The following ANKRD11 variants were observed in gnomAD, a reference collection of about 807,000 sequenced individuals.
ANKRD11 encodes ankyrin repeat domain 11.
ANKRD11 carries 17 observed loss-of-function variants against 195.7 expected under a neutral mutation model. The ratio of observed to expected loss-of-function variants is 0.09; its 90% CI spans 0.06 to 0.13. The LOEUF (loss-of-function observed/expected upper bound fraction) is 0.13. Among genes scored for constraint, ANKRD11 ranks in the 10% least tolerant of loss-of-function variants. The pLI is 1.00. For missense variants in ANKRD11, 3,735 were observed against 3,566.1 expected (o/e 1.05, Z -1.21); for synonymous variants, 1,953 against 1,528.1 (o/e 1.28, Z -6.49).
At chr16:89,455,316 A>G (rs1416913595) in intron 1 of ANKRD11, among the ~76,000 whole-genome samples, 1 of 151,370 alleles carries the variant, frequency 6.6e-6, no homozygotes, top group African/African-American at 2.4e-5. Flanking sequence ...GGGTGCTTCT[A>G]GGGTTCCTCA....
chr16:89,352,839 A>C (rs533357005), intron 2 of ANKRD11, among the ~76,000 whole-genome samples: 1 of 152,298 alleles, frequency 6.6e-6, no homozygotes, highest in African/African-American at 2.4e-5. Flanking sequence ...CAGGGCCCCT[A>C]CCTGCTTTGT....
intron 2 of ANKRD11, among the ~76,000 whole-genome samples, chr16:89,319,225 C>T (rs1254978111): frequency 5.9e-5 from 9 of 152,222 alleles, no homozygotes; most frequent in African/African-American, 1.4e-4. Flanking sequence ...GCAGACCCCA[C>T]GGCCTCCGGA....
chr16:89,381,561 T>C (rs1357613277), intron 2 of ANKRD11, among the ~76,000 whole-genome samples: 1 of 152,126 alleles, frequency 6.6e-6, no homozygotes, highest in Non-Finnish European at 1.5e-5. Context: ...TTTCTAATTA[T>C]CCAAACAAGT....
At chr16:89,306,967 C>T (rs572209513) in intron 3 of ANKRD11, among the ~76,000 whole-genome samples, 4 of 151,952 alleles carry the variant, frequency 2.6e-5, no homozygotes, top group Admixed American at 6.5e-5. Context: ...GCGCTTGGGA[C>T]GTGGGGAGGG....
intron 2 of ANKRD11, among the ~76,000 whole-genome samples, chr16:89,379,353 G>A (rs2040549972): frequency 6.6e-6 from 1 of 152,216 alleles, no homozygotes. Context: ...CTCAAATCAA[G>A]TGTTACCAGT....
At chr16:89,324,829 T>C (rs2151947330) in intron 2 of ANKRD11, 2 of 288,998 alleles carry the variant, frequency 6.9e-6, no homozygotes, top group South Asian at 6.1e-5. Context: ...ACTGGCTTCC[T>C]GGCTCCTCAG....
intron 2 of ANKRD11, among the ~76,000 whole-genome samples, chr16:89,357,494 T>C (rs374722617): frequency 3.2e-4 from 48 of 152,196 alleles, no homozygotes; most frequent in African/African-American, 9.4e-4. Context: ...GGACTAAGCA[T>C]ATGATCCAGC....
In ANKRD11 at chr16:89,285,578, C is replaced by T. The variant is rs1407933251; in HGVS notation, c.964G>A (p.Glu322Lys). Residue 322 changes from glutamate (E) to lysine (K), a missense_variant, in exon 9 of 13, where the codon GAG becomes AAG. Glu to Lys is a moderately conservative substitution (Grantham distance 56, BLOSUM62 1). Transcript: ENST00000301030. The surrounding 1 kb of genome is among the most constrained non-coding windows in gnomAD (Gnocchi z 5.6). ...TTGTGCTTGAGGCCTTTTTCGAACT[C>T]GGAGTCCGTGTTGTTGCCGTCGACT... is the stretch of plus-strand genomic sequence containing the variant. ...SSVDGNNTDS[E>K]FEKGLKHKAK... 1.2e-6 allele frequency: 2 copies of T among 1,613,980 alleles called. No individual in the cohort carries two copies. Among genetic ancestry groups the T allele is most frequent in the African/African-American group, 1.3e-5 (1 of 74,882 alleles).
intron 2 of ANKRD11, among the ~76,000 whole-genome samples, chr16:89,393,190 G>C (rs1441877486): frequency 6.6e-6 from 1 of 152,100 alleles, no homozygotes; most frequent in Non-Finnish European, 1.5e-5. Flanking sequence ...TAAATACCTT[G>C]AGAGCACGAC....
At chr16:89,401,819 A>G (rs1209387142) in intron 2 of ANKRD11, among the ~76,000 whole-genome samples, 1 of 152,090 alleles carries the variant, frequency 6.6e-6, no homozygotes, top group Non-Finnish European at 1.5e-5. Context: ...GGAGGCGGAG[A>G]TCGTGGTGAT....
intron 2 of ANKRD11, among the ~76,000 whole-genome samples, chr16:89,360,162 GT>G (rs2039671434): frequency 1.3e-5 from 2 of 152,120 alleles, no homozygotes; most frequent in Non-Finnish European, 2.9e-5. Flanking sequence ...GTAGTATTTG[GT>G]TTTCTGTTCC....
chr16:89,275,213 G>T lies in ANKRD11; in HGVS notation c.7471-22C>A, dbSNP rs369744288. ...CGATCTACAGGCAAAAGGTGAGTGT[G>T]GGGGGTCAGCTGGGGCTGTGGAACT... On this transcript the variant is annotated intron_variant, in intron 9 of 12. Transcript: ENST00000301030. The T allele has an allele frequency of 8.8e-6, 14 of 1,586,076 alleles. No homozygotes were observed. The African/African-American group carries it at 1.2e-4, about 14-fold the overall frequency.
rs200207942 is a variant in ANKRD11, at chr16:89,281,103, C to G, written c.5439G>C (p.Gln1813His). ...CGTAGCTGGAGGCAGCAGGAACGCTCTGCTGCCTGAAGAGCTTGTCTCCGA... is the reference window on the plus strand; with the variant it reads ...CGTAGCTGGAGGCAGCAGGAACGCTGTGCTGCCTGAAGAGCTTGTCTCCGA... Reference protein sequence around the residue: ...FSVGDKLFRQQSVPAASSYDS... With the variant: ...FSVGDKLFRQHSVPAASSYDS... Residue 1813 changes from glutamine to histidine, a missense_variant, in exon 9 of 13, where the codon CAG (glutamine) becomes CAC (histidine). Transcript: ENST00000301030. The surrounding 1 kb of genome is among the most constrained non-coding windows in gnomAD (Gnocchi z 5.5). 3 of 1,611,296 alleles carry G rather than the reference C, an allele frequency of 1.9e-6. No homozygotes were observed. The highest frequency in any genetic ancestry group is 1.1e-5 in the South Asian group (1 of 91,032).
chr16:89,378,984 A>G (rs1320602080), intron 2 of ANKRD11, among the ~76,000 whole-genome samples: 1 of 152,218 alleles, frequency 6.6e-6, no homozygotes, highest in Non-Finnish European at 1.5e-5. Context: ...CTGACGGCAC[A>G]CTGGGGAGCG....
intron 1 of ANKRD11, among the ~76,000 whole-genome samples, chr16:89,479,163 T>C (rs1261683436): frequency 1.3e-5 from 2 of 151,776 alleles, no homozygotes; most frequent in African/African-American, 2.4e-5. Context: ...ACCCAGTCCC[T>C]GAAGATTCAG....
At chr16:89,452,520 T>C (rs1388379950) in intron 1 of ANKRD11, among the ~76,000 whole-genome samples, 2 of 152,150 alleles carry the variant, frequency 1.3e-5, no homozygotes, top group African/African-American at 4.8e-5. Context: ...TCAAGAATGC[T>C]GCTCTCAGCA....
At chr16:89,489,612 C>A (rs919549723) in intron 1 of ANKRD11, among the ~76,000 whole-genome samples, 9 of 151,992 alleles carry the variant, frequency 5.9e-5, no homozygotes, top group African/African-American at 1.7e-4. Context: ...ACGACCAGCA[C>A]GGCGAAGGCG....
chr16:89,368,371 GTTTTTTTTTTT>G (rs71134210), intron 2 of ANKRD11, among the ~76,000 whole-genome samples: 6 of 56,598 alleles, frequency 1.1e-4, no homozygotes, highest in African/African-American at 1.4e-4. Flanking sequence ...TAATTTTTGT[GTTTTTTTTTTT>G]TTTTTTTTTT....
At chr16:89,328,602 C>A (rs2037864083) in intron 2 of ANKRD11, among the ~76,000 whole-genome samples, 1 of 148,398 alleles carries the variant, frequency 6.7e-6, no homozygotes, top group Non-Finnish European at 1.5e-5. Context: ...GGTGAATCTG[C>A]AGAGGCCCCT....
Sources: gnomAD v4.1 joint callset for allele counts (sites outside exome capture counted in the v4.1 genomes callset) on GRCh38, gnomAD v4.1.1 for gene constraint, Gnocchi (gnomAD v3.1) non-coding constraint, MANE v1.5 for transcripts, NCBI Gene and HGNC (gene_info 2026-07-23, HGNC 2026-07-21) for gene names.